The following NCOA1 variants were observed in gnomAD, a reference collection of about 807,000 sequenced individuals.
The protein encoded by NCOA1 is nuclear receptor coactivator 1, also known as Hin-2 protein.
In NCOA1, 35 loss-of-function variants were observed where a neutral mutation model predicts 150.9. That is an observed-to-expected ratio of 0.23 (90% CI 0.18 to 0.31). The LOEUF (loss-of-function observed/expected upper bound fraction) is 0.31, where lower values mean the gene tolerates loss of function less well. NCOA1 is among the 10% of genes least tolerant of loss of function. The pLI is 1.00. For missense variants in NCOA1, 1,491 were observed against 1,749.3 expected, an observed-to-expected ratio of 0.85 and a Z score of 2.63; for synonymous variants, 590 against 630.0, an observed-to-expected ratio of 0.94 and a Z score of 0.95.
intron 14 of NCOA1, among the ~76,000 whole-genome samples, chr2:24,713,641 A>G (rs1558308747): frequency 6.6e-6 from 1 of 152,188 alleles, no homozygotes; most frequent in Non-Finnish European, 1.5e-5. Context: ...ACATTAAACA[A>G]TTCTTGTAAG....
chr2:24,592,578 A>ATTTTTTTT (rs145333073), intron 3 of NCOA1, among the ~76,000 whole-genome samples: 1 of 103,488 alleles, frequency 9.7e-6, no homozygotes, highest in Admixed American at 1.1e-4. Context: ...TCCCCTCCTA[A>ATTTTTTTT]TTTTTTTTTT....
intron 17 of NCOA1, among the ~76,000 whole-genome samples, chr2:24,732,096 G>A (rs940906108): frequency 6.6e-6 from 1 of 152,300 alleles, no homozygotes; most frequent in Admixed American, 6.5e-5. Flanking sequence ...GTCTAGGTCA[G>A]GTTCATGAAT....
chr2:24,503,340 C>T (rs956607379), intron 1 of NCOA1, among the ~76,000 whole-genome samples: 1 of 150,818 alleles, frequency 6.6e-6, no homozygotes, highest in Non-Finnish European at 1.5e-5. Context: ...TCTACCTGTC[C>T]TGGGTGACAG....
intron 3 of NCOA1, among the ~76,000 whole-genome samples, chr2:24,624,606 C>A (rs1161200906): frequency 1.3e-5 from 2 of 152,198 alleles, no homozygotes; most frequent in East Asian, 3.8e-4. Flanking sequence ...GTTTTCTTAA[C>A]TCTGGTCCAT....
At position 24,742,133 on chromosome 2, in the gene NCOA1, G is replaced by T. The variant is rs1051859284; in HGVS notation, c.3653G>T (p.Gly1218Val). ...GMTGNIGGQFGTGINPQMQQN... is the reference protein window; with the variant it reads ...GMTGNIGGQFVTGINPQMQQN... ...ACAGGAAACATAGGAGGACAGTTTG[G>T]CACTGGAATCAATCCTCAGATGCAG... The change falls in exon 19 of 23, where the codon GGC (glycine) becomes GTC (valine). Residue 1218 changes from glycine to valine, a missense_variant. Physicochemically the swap from Gly to Val is moderately radical, Grantham distance 109 (BLOSUM62 -3). Around this residue, in one of 8 missense-constraint regions of NCOA1, gnomAD observed 485 missense variants for 522.8 expected, o/e 0.93. Coordinates refer to ENST00000348332, the MANE Select transcript of NCOA1 (RefSeq NM_003743.5). 5 of 1,614,016 alleles carry T rather than the reference G, an allele frequency of 3.1e-6. No homozygotes were observed. Among genetic ancestry groups the T allele is most frequent in the Non-Finnish European group, 1.7e-6 (2 of 1,179,940 alleles).
At chr2:24,616,050 A>G (rs1668859759) in intron 3 of NCOA1, among the ~76,000 whole-genome samples, 1 of 152,226 alleles carries the variant, frequency 6.6e-6, no homozygotes, top group South Asian at 2.1e-4. Flanking sequence ...GGCACTCTTT[A>G]TATGTAATAC....
At chr2:24,523,415 G>C (rs1664503694) in intron 1 of NCOA1, among the ~76,000 whole-genome samples, 1 of 151,368 alleles carries the variant, frequency 6.6e-6, no homozygotes, top group Admixed American at 6.6e-5. Context: ...GACCATCCTG[G>C]CTAACACGGT....
At chr2:24,738,687 A>G (rs1286819764) in intron 17 of NCOA1, among the ~76,000 whole-genome samples, 1 of 152,232 alleles carries the variant, frequency 6.6e-6, no homozygotes, top group Non-Finnish European at 1.5e-5. Context: ...TTTCTGCAGT[A>G]AATAAATCTG....
At chr2:24,671,714 C>G (rs1671692548) in intron 6 of NCOA1, among the ~76,000 whole-genome samples, 1 of 151,994 alleles carries the variant, frequency 6.6e-6, no homozygotes, top group Non-Finnish European at 1.5e-5. Flanking sequence ...ACATGTGCCA[C>G]CACGCCCGGC....
rs186977994 is a variant in NCOA1, at chr2:24,705,634, C to T, written c.1097+401C>T. Reference sequence around the variant, plus strand: ...TCCTGAGTTCAAGTTGACAATTTCTCACAGAAATTACAAATCATTAAACTA... The same window carrying T: ...TCCTGAGTTCAAGTTGACAATTTCTTACAGAAATTACAAATCATTAAACTA... On this transcript the variant is annotated intron_variant, in intron 12 of 22. Transcript: ENST00000348332. 2.6e-3 allele frequency among the ~76,000 whole-genome samples: 402 copies of T among 152,238 alleles called. 2 individuals carry two copies. Among genetic ancestry groups the T allele is most frequent in the Admixed American group, 4.4e-3 (67 of 15,294 alleles).
At chr2:24,732,700 G>C (rs923112243) in intron 17 of NCOA1, among the ~76,000 whole-genome samples, 1 of 152,130 alleles carries the variant, frequency 6.6e-6, no homozygotes, top group Non-Finnish European at 1.5e-5. Flanking sequence ...AGCAGACCAA[G>C]GTGTGGTTAC....
Position 24,707,013 on chromosome 2 carries a change from T to C in NCOA1, c.1543T>C (p.Leu515=), listed in dbSNP as rs771359146. The C allele has an allele frequency of 3.1e-6, 5 of 1,614,164 alleles. No individual in the cohort carries two copies. The highest frequency in any genetic ancestry group is 4.2e-6 in the Non-Finnish European group (5 of 1,180,016). Residue 515 remains leucine (L), a synonymous_variant, in exon 13 of 23, where the codon TTA becomes CTA. Transcript: ENST00000348332. ...NNSFPPNIST[L]SSPVGMTSSA... Reference sequence around the variant, plus strand: ...TTCCTTTCCTCCTAATATTTCGACATTAAGCTCTCCCGTTGGCATGACAAG... The same window carrying C: ...TTCCTTTCCTCCTAATATTTCGACACTAAGCTCTCCCGTTGGCATGACAAG...
intron 11 of NCOA1, 34 bp downstream of exon 11, chr2:24,697,832 C>A: frequency 6.3e-7 from 1 of 1,579,918 alleles, no homozygotes; most frequent in South Asian, 1.1e-5. Context: ...TTTCATTAAC[C>A]CTTATCTTTA....
chr2:24,733,960 G>A (rs6729302), intron 17 of NCOA1, among the ~76,000 whole-genome samples: 67,726 of 151,818 alleles, frequency 0.45, 16,927 homozygotes, highest in Admixed American at 0.61. Flanking sequence ...CGAGGTGGGC[G>A]GATCACCTGA....
intron 20 of NCOA1, among the ~76,000 whole-genome samples, chr2:24,755,639 CT>C (rs1341871079): frequency 6.6e-6 from 1 of 152,218 alleles, no homozygotes; most frequent in Non-Finnish European, 1.5e-5. Flanking sequence ...ACCCAGACGT[CT>C]TTCTAGGACC....
intron 3 of NCOA1, among the ~76,000 whole-genome samples, chr2:24,632,215 G>T (rs1331304914): frequency 1.3e-5 from 2 of 152,172 alleles, no homozygotes; most frequent in Non-Finnish European, 2.9e-5. Context: ...TAGAATAGTA[G>T]TAGCAATCTC....
intron 1 of NCOA1, among the ~76,000 whole-genome samples, chr2:24,495,918 T>G (rs1029150591): frequency 6.6e-6 from 1 of 152,246 alleles, no homozygotes; most frequent in African/African-American, 2.4e-5. Context: ...CATTAATGAC[T>G]AACAGGTATT....
At chr2:24,628,038 G>C (rs763008866) in intron 3 of NCOA1, among the ~76,000 whole-genome samples, 16 of 152,216 alleles carry the variant, frequency 1.1e-4, no homozygotes, top group East Asian at 9.6e-4. Flanking sequence ...GGTGGCTCAC[G>C]CCTGTAATCC....
intron 14 of NCOA1, among the ~76,000 whole-genome samples, chr2:24,711,944 C>T (rs1262275476): frequency 6.6e-6 from 1 of 152,216 alleles, no homozygotes; most frequent in Non-Finnish European, 1.5e-5. Context: ...CTGATGGTAT[C>T]ATATGTGGGA....
Sources: allele counts gnomAD v4.1 joint callset (sites outside exome capture counted in the v4.1 genomes callset), GRCh38; gene constraint gnomAD v4.1.1; regional missense constraint gnomAD v4.1.1; transcripts MANE v1.5; gene names NCBI Gene and HGNC (gene_info 2026-07-23, HGNC 2026-07-21).